The following ZCCHC24 variants were observed in gnomAD, a reference collection of about 807,000 sequenced individuals.
The protein encoded by ZCCHC24 is zinc finger CCHC-type containing 24.
ZCCHC24 carries 10 observed loss-of-function variants against 26.2 expected under a neutral mutation model. The ratio of observed to expected loss-of-function variants is 0.38; its 90% CI spans 0.24 to 0.65. The LOEUF (loss-of-function observed/expected upper bound fraction) is 0.65. ZCCHC24 is among the 30% of genes least tolerant of loss of function. ZCCHC24 has a pLI of 0.54. For missense variants in ZCCHC24, 243 were observed against 329.1 expected (o/e 0.74, Z 2.03); for synonymous variants, 144 against 147.1 (o/e 0.98, Z 0.15).
At chr10:79,433,115 C>CT (rs1253949716) in intron 1 of ZCCHC24, among the ~76,000 whole-genome samples, 1 of 152,172 alleles carries the variant, frequency 6.6e-6, no homozygotes, top group East Asian at 1.9e-4. Flanking sequence ...ACCATTAGTT[C>CT]TTAACATACT....
intron 3 of ZCCHC24, among the ~76,000 whole-genome samples, chr10:79,389,719 G>C (rs1163591120): frequency 3.3e-5 from 5 of 152,218 alleles, no homozygotes; most frequent in Non-Finnish European, 7.4e-5. Flanking sequence ...GGGTTCGAGT[G>C]ATTCTCCTGC....
intron 2 of ZCCHC24, among the ~76,000 whole-genome samples, chr10:79,420,921 T>C (rs182007979): frequency 3.3e-4 from 50 of 152,300 alleles, no homozygotes; most frequent in African/African-American, 1.2e-3. Flanking sequence ...GTAGGATGTT[T>C]TAATATCTTC....
chr10:79,394,751 T>C (rs559431633), intron 2 of ZCCHC24: 2 of 635,476 alleles, frequency 3.1e-6, no homozygotes, highest in South Asian at 1.4e-4. Context: ...TCACACGTCA[T>C]CAAGGGCAGC....
At chr10:79,424,018 A>C (rs1178068602) in intron 2 of ZCCHC24, among the ~76,000 whole-genome samples, 120 of 19,814 alleles carry the variant, frequency 6.1e-3, no homozygotes, top group Non-Finnish European at 0.012. Context: ...ACTCCGTCTG[A>C]AAAAAAAAAA....
At chr10:79,433,396 AG>A (rs1485727766) in intron 1 of ZCCHC24, among the ~76,000 whole-genome samples, 2 of 152,196 alleles carry the variant, frequency 1.3e-5, no homozygotes, top group African/African-American at 4.8e-5. Context: ...AAGCCCAAGG[AG>A]GGAAGTGGTC....
intron 2 of ZCCHC24, chr10:79,403,559 A>G (rs1311934320): frequency 1.0e-6 from 1 of 985,288 alleles, no homozygotes; most frequent in Non-Finnish European, 1.2e-6. Flanking sequence ...CGCGGCCTGC[A>G]GGATGCTGGG....
chr10:79,438,663 T>C (rs1857251020), intron 1 of ZCCHC24, among the ~76,000 whole-genome samples: 1 of 152,210 alleles, frequency 6.6e-6, no homozygotes, highest in South Asian at 2.1e-4. Context: ...CTGGACACAG[T>C]CAGTGCTTAG....
At chr10:79,410,204 C>A (rs1010379945) in intron 2 of ZCCHC24, among the ~76,000 whole-genome samples, 2 of 152,252 alleles carry the variant, frequency 1.3e-5, no homozygotes, top group Non-Finnish European at 2.9e-5. Context: ...CTCAGAGACA[C>A]CATCCCTGAC....
intron 2 of ZCCHC24, among the ~76,000 whole-genome samples, chr10:79,429,890 CT>C (rs1227009407): frequency 2.0e-5 from 3 of 152,296 alleles, no homozygotes; most frequent in South Asian, 4.1e-4. Context: ...GAGCCTTGCA[CT>C]GAGCACCGCT....
chr10:79,418,620 A>G (rs731095), intron 2 of ZCCHC24, among the ~76,000 whole-genome samples: 20,209 of 152,112 alleles, frequency 0.13, 2,361 homozygotes, highest in African/African-American at 0.32. Flanking sequence ...GCCATAGCAC[A>G]GGTGGAGTGG....
At chr10:79,419,751 C>T (rs557255356) in intron 2 of ZCCHC24, among the ~76,000 whole-genome samples, 12 of 152,236 alleles carry the variant, frequency 7.9e-5, no homozygotes, top group Admixed American at 7.8e-4. Context: ...CTTAAGGATG[C>T]ACTTGCTGTG....
At chr10:79,441,079 A>ACAC (rs1857286164) in intron 1 of ZCCHC24, among the ~76,000 whole-genome samples, 2 of 135,580 alleles carry the variant, frequency 1.5e-5, no homozygotes, top group African/African-American at 5.7e-5. Context: ...CTGCCCCCTA[A>ACAC]ACACACACAC....
intron 2 of ZCCHC24, among the ~76,000 whole-genome samples, chr10:79,419,753 C>A (rs987229160): frequency 6.6e-6 from 1 of 152,122 alleles, no homozygotes; most frequent in Non-Finnish European, 1.5e-5. Context: ...TAAGGATGCA[C>A]TTGCTGTGCT....
intron 3 of ZCCHC24, among the ~76,000 whole-genome samples, chr10:79,389,348 G>C (rs1281920964): frequency 6.6e-6 from 1 of 152,196 alleles, no homozygotes; most frequent in African/African-American, 2.4e-5. Flanking sequence ...TCTGTGTCTG[G>C]TGTCTTCTGC....
At position 79,385,020 on chromosome 10, in the gene ZCCHC24, G is replaced by A. The variant is rs1005141420; in HGVS notation, c.*1325C>T. The A allele has an allele frequency of 6.6e-6, 1 of 152,170 alleles. No individual in the cohort carries two copies. Among genetic ancestry groups the A allele is most frequent in the Admixed American group, 6.5e-5 (1 of 15,272 alleles). 9.4% of individuals were successfully genotyped at this position (152,170 alleles called of 1,614,324 possible). ...CGAGGCCTCTCTGCTCCCTTGGGAG[G>A]TAGGAAATTATTGTCTCCATTTTAG... is the stretch of plus-strand genomic sequence containing the variant. On this transcript the variant is annotated 3_prime_UTR_variant, in exon 4 of 4. Coordinates refer to ENST00000372336, the MANE Select transcript of ZCCHC24 (RefSeq NM_153367.4). This position sits in a 1 kb window ranked among gnomAD's most constrained non-coding sequence, Gnocchi z 4.3.
At position 79,445,476 on chromosome 10, in the gene ZCCHC24, C is replaced by G; in HGVS notation, c.-36G>C. 1.5e-6 allele frequency: 2 copies of G among 1,335,348 alleles called. No homozygotes were observed. Among genetic ancestry groups the G allele is most frequent in the Non-Finnish European group, 1.9e-6 (2 of 1,036,032 alleles). 82.7% of individuals were successfully genotyped at this position (1,335,348 alleles called of 1,614,324 possible). A position where few individuals can be genotyped will look rare whatever the true frequency, so the allele number is the denominator to read the frequency against. On this transcript the variant is annotated 5_prime_UTR_variant, in exon 1 of 4. Coordinates refer to ENST00000372336, the MANE Select transcript of ZCCHC24 (RefSeq NM_153367.4). ...CGGTGCCGGCCCCTCCCCGGCCGCC[C>G]GCTCGCGGCCCCCCTCCGCAGCGGA...
intron 2 of ZCCHC24, among the ~76,000 whole-genome samples, chr10:79,409,980 C>T (rs567996810): frequency 6.6e-6 from 1 of 152,292 alleles, no homozygotes; most frequent in African/African-American, 2.4e-5. Flanking sequence ...CAACCCTGTG[C>T]CTCCGCCCCT....
At chr10:79,426,492 A>G (rs994623419) in intron 2 of ZCCHC24, among the ~76,000 whole-genome samples, 1 of 152,228 alleles carries the variant, frequency 6.6e-6, no homozygotes, top group Non-Finnish European at 1.5e-5. Context: ...AGCAGGATAA[A>G]CATAAAGAGA....
chr10:79,445,259 T>C lies in ZCCHC24; in HGVS notation c.182A>G (p.Glu61Gly). The C allele has an allele frequency of 7.0e-7, 1 of 1,427,064 alleles. No homozygotes were observed. The highest frequency in any genetic ancestry group is 9.2e-7 in the Non-Finnish European group (1 of 1,085,836). 88.4% of individuals were successfully genotyped at this position (1,427,064 alleles called of 1,614,324 possible). A position where few individuals can be genotyped will look rare whatever the true frequency, so the allele number is the denominator to read the frequency against. ...PELAFGKGRP[E>G]QLGSPLHSSY... ...GGAGTGCAGGGGCGAGCCCAGCTGC[T>C]CGGGGCGGCCCTTGCCGAAGGCCAG... The change falls in exon 1 of 4, where the codon GAG becomes GGG. Residue 61 changes from glutamate to glycine, a missense_variant. Coordinates refer to ENST00000372336, the MANE Select transcript of ZCCHC24 (RefSeq NM_153367.4).
Sources: allele counts gnomAD v4.1 joint callset (sites outside exome capture counted in the v4.1 genomes callset), GRCh38; gene constraint gnomAD v4.1.1; non-coding constraint Gnocchi (gnomAD v3.1); transcripts MANE v1.5; gene names NCBI Gene and HGNC (gene_info 2026-07-23, HGNC 2026-07-21).